Variants in ELL observed in about 807,000 individuals in gnomAD.
ELL encodes the protein RNA polymerase II elongation factor ELL.
In ELL, 18 loss-of-function variants were observed where a neutral mutation model predicts 64.0. The ratio of observed to expected loss-of-function variants is 0.28; its 90% CI spans 0.19 to 0.42. The LOEUF (loss-of-function observed/expected upper bound fraction) is 0.42. ELL is among the 10% of genes least tolerant of loss of function. The pLI, the probability that ELL is intolerant of heterozygous loss-of-function variation, is 1.00. For synonymous variants in ELL, 399 were observed against 376.2 expected, an observed-to-expected ratio of 1.06 and a Z score of -0.70; for missense variants, 797 against 870.4, an observed-to-expected ratio of 0.92 and a Z score of 1.06.
At chr19:18,506,848 G>C (rs758646435) in intron 1 of ELL, among the ~76,000 whole-genome samples, 1 of 152,112 alleles carries the variant, frequency 6.6e-6, no homozygotes, top group Non-Finnish European at 1.5e-5. Flanking sequence ...ATGATCAGAG[G>C]GCCAGGGACC....
At chr19:18,467,299 GA>G (rs1019533638) in intron 2 of ELL, among the ~76,000 whole-genome samples, 1 of 152,032 alleles carries the variant, frequency 6.6e-6, no homozygotes, top group Non-Finnish European at 1.5e-5. Context: ...ACTGCCCCAG[GA>G]AAAAAGCCGT....
At chr19:18,517,174 T>C (rs1976148653) in intron 1 of ELL, among the ~76,000 whole-genome samples, 1 of 152,144 alleles carries the variant, frequency 6.6e-6, no homozygotes, top group Non-Finnish European at 1.5e-5. Flanking sequence ...GGTGTGTCCA[T>C]GCTTCCACTC....
rs1258765009 is a variant in ELL at position 18,444,569 on chromosome 19, C to T, written c.*183G>A. On this transcript the variant is annotated 3_prime_UTR_variant, in exon 12 of 12. Coordinates refer to ENST00000262809, the MANE Select transcript of ELL (RefSeq NM_006532.4). ...ATAAGCAGGGACTGCTCAGGAAGCG[C>T]AGGGAGGGCCGAGGTGGGCTTGCAG... 1 of 594,364 alleles carries T rather than the reference C, an allele frequency of 1.7e-6. No individual in the cohort carries two copies. Among genetic ancestry groups the T allele is most frequent in the African/African-American group, 1.9e-5 (1 of 53,272 alleles). The allele number at this position is 594,364 out of a possible 1,614,324, so 36.8% of individuals were successfully genotyped here. A position where few individuals can be genotyped will look rare whatever the true frequency, so the allele number is the denominator to read the frequency against.
At chr19:18,483,418 C>A (rs540645982) in intron 1 of ELL, among the ~76,000 whole-genome samples, 20 of 152,322 alleles carry the variant, frequency 1.3e-4, no homozygotes, top group African/African-American at 4.1e-4. Flanking sequence ...TCTGTCCATT[C>A]CTGCGTCATA....
chr19:18,475,092 C>G (rs1363712750), intron 1 of ELL, among the ~76,000 whole-genome samples: 1 of 152,128 alleles, frequency 6.6e-6, no homozygotes, highest in East Asian at 1.9e-4. Flanking sequence ...CCACTGCACT[C>G]CAGCCTGGGC....
intron 1 of ELL, among the ~76,000 whole-genome samples, chr19:18,509,598 TACACACACACACACACACACACACAC>T (rs1183127480): frequency 4.9e-5 from 4 of 81,856 alleles, no homozygotes; most frequent in Admixed American, 1.1e-4. Context: ...CGCGCGCACA[TACACACACACACACACACACACACAC>T]ACACACACAC....
At chr19:18,517,305 T>TG (rs1431743172) in intron 1 of ELL, among the ~76,000 whole-genome samples, 3 of 152,178 alleles carry the variant, frequency 2.0e-5, no homozygotes, top group Non-Finnish European at 4.4e-5. Context: ...TTACCCAGGC[T>TG]GGAGTGCAGT....
In ELL at chr19:18,444,386, A is replaced by C. The variant is rs1271844489; in HGVS notation, c.*366T>G. The stretch of plus-strand genomic sequence containing the variant: ...TCTCTTTTGTACAAAAATAGACTCA[A>C]GTCTCATTAGCAGTAGCTAAAAGTG... On this transcript the variant is annotated 3_prime_UTR_variant, in exon 12 of 12. Transcript: ENST00000262809. 1 of 265,290 alleles carries C rather than the reference A, an allele frequency of 3.8e-6. No homozygotes were observed. Among genetic ancestry groups the C allele is most frequent in the Non-Finnish European group, 7.2e-6 (1 of 138,452 alleles). 16.4% of individuals were successfully genotyped at this position (265,290 alleles called of 1,614,324 possible). A position where few individuals can be genotyped will look rare whatever the true frequency, so the allele number is the denominator to read the frequency against.
chr19:18,446,615 G>C, intron 9 of ELL, 133 bp downstream of exon 9: 1 of 1,490,460 alleles, frequency 6.7e-7, no homozygotes. Flanking sequence ...TGGCCCAGAA[G>C]AGGCTGCTAT....
intron 5 of ELL, among the ~76,000 whole-genome samples, chr19:18,459,304 T>C (rs1177747845): frequency 1.3e-5 from 2 of 152,184 alleles, no homozygotes; most frequent in African/African-American, 2.4e-5. Context: ...CTGTTGCCGG[T>C]TGACCAAAGC....
At chr19:18,450,344 G>T in intron 8 of ELL, 133 bp downstream of exon 8, 1 of 1,419,182 alleles carries the variant, frequency 7.0e-7, no homozygotes, top group Non-Finnish European at 9.3e-7. Context: ...GGGCAAATCT[G>T]ATGGGGCCTG....
Position 18,501,980 on chromosome 19 carries a change from G to A in ELL, c.135+19941C>T, listed in dbSNP as rs1975787404. ...TCCTGGGGCCTCATGAGGGTGGTTT[G>A]GGGTCAGAAGACACACGATCAGGAA... is the stretch of plus-strand genomic sequence containing the variant. On this transcript the variant is annotated intron_variant, in intron 1 of 11. Transcript: ENST00000262809. This position sits in a 1 kb window ranked among gnomAD's most constrained non-coding sequence, Gnocchi z 4.5. Among the ~76,000 whole-genome samples the A allele has an allele frequency of 6.6e-6, 1 of 152,164 alleles. No homozygotes were observed. The highest frequency in any genetic ancestry group is 1.5e-5 in the Non-Finnish European group (1 of 68,032).
chr19:18,451,028 A>C (rs1974520576), intron 7 of ELL, 53 bp from the exon 8 acceptor site: 10 of 1,476,304 alleles, frequency 6.8e-6, no homozygotes, highest in Non-Finnish European at 9.0e-6. Flanking sequence ...GCTGAGCAGC[A>C]ACAGGCAATC....
intron 6 of ELL, among the ~76,000 whole-genome samples, chr19:18,452,795 G>C (rs1974566265): frequency 6.6e-6 from 1 of 152,212 alleles, no homozygotes; most frequent in African/African-American, 2.4e-5. Flanking sequence ...CAGATGTGTG[G>C]CCTCAGGAGA....
intron 1 of ELL, among the ~76,000 whole-genome samples, chr19:18,515,758 T>G (rs779985288): frequency 6.6e-6 from 1 of 152,184 alleles, no homozygotes; most frequent in African/African-American, 2.4e-5. Flanking sequence ...AGGACCCCAG[T>G]GTGACTCCCC....
At chr19:18,462,028 A>AC (rs1223912104) in intron 4 of ELL, among the ~76,000 whole-genome samples, 176 bp from the exon 5 acceptor site, 2 of 152,174 alleles carry the variant, frequency 1.3e-5, no homozygotes, top group African/African-American at 4.8e-5. Flanking sequence ...CAAGAGCGCC[A>AC]CCTGCTGCCC....
At position 18,459,563 on chromosome 19, in the gene ELL, AGGCT is replaced by A. The variant is rs1256014492; in HGVS notation, c.745-1238_745-1235del. Among the ~76,000 whole-genome samples, 534 of 147,028 alleles carry A rather than the reference AGGCT, an allele frequency of 3.6e-3. 5 individuals carry two copies. Among genetic ancestry groups the A allele is most frequent in the African/African-American group, 0.013 (509 of 39,472 alleles). On this transcript the variant is annotated intron_variant, in intron 5 of 11. Coordinates refer to ENST00000262809, the MANE Select transcript of ELL (RefSeq NM_006532.4). Reference sequence around the variant, plus strand: ...GAGATGGAGTCTCGCTCAGTTGCCCAGGCTAGAGTGCAATGGCGCTATCTTGGCT... The same window carrying A: ...GAGATGGAGTCTCGCTCAGTTGCCCAAGAGTGCAATGGCGCTATCTTGGCT...
chr19:18,513,108 T>C (rs1976061609), intron 1 of ELL, among the ~76,000 whole-genome samples: 1 of 152,194 alleles, frequency 6.6e-6, no homozygotes, highest in African/African-American at 2.4e-5. Context: ...GCTCAATTTG[T>C]CCAAAGAGGA....
rs1294126252 is a variant in ELL at position 18,444,320 on chromosome 19, C to T, written c.*432G>A. ...AGGGCAGCGGCTAGACCCTGGGTGT[C>T]CGAGGAGAGGGAGGCACAGGTTTAG... On this transcript the variant is annotated 3_prime_UTR_variant, in exon 12 of 12. Transcript: ENST00000262809. The T allele has an allele frequency of 1.7e-5, 4 of 239,222 alleles. No homozygotes were observed. In the East Asian group the frequency reaches 1.8e-4, roughly 11 times the overall value. The allele number at this position is 239,222 out of a possible 1,614,324, so 14.8% of individuals were successfully genotyped here.
Sources: gnomAD v4.1 joint callset for allele counts (sites outside exome capture counted in the v4.1 genomes callset) on GRCh38, gnomAD v4.1.1 for gene constraint, Gnocchi (gnomAD v3.1) non-coding constraint, MANE v1.5 for transcripts, NCBI Gene and HGNC (gene_info 2026-07-23, HGNC 2026-07-21) for gene names.